The following COL3A1 variants were observed in gnomAD, a reference collection of about 807,000 sequenced individuals.
COL3A1 encodes collagen type III alpha 1 chain.
In COL3A1, 46 loss-of-function variants were observed where a neutral mutation model predicts 200.9. That is an observed-to-expected ratio of 0.23 (90% confidence interval 0.18 to 0.29). The LOEUF is 0.29. Ranked by LOEUF, COL3A1 falls within the 10% of genes least tolerant of loss-of-function variation. The pLI, the probability that COL3A1 is intolerant of heterozygous loss-of-function variation, is 1.00. For missense variants in COL3A1, 1,367 were observed against 1,917.6 expected (o/e 0.71, Z 5.36); for synonymous variants, 650 against 628.0 (o/e 1.03, Z -0.52).
In COL3A1 at chr2:189,012,484, T is replaced by C. The variant is rs1250320585; in HGVS notation, c.*710T>C. On this transcript the variant is annotated 3_prime_UTR_variant, in exon 51 of 51. Transcript: ENST00000304636. ...TGCTAATGTACTTTCACTTTTAAAC[T>C]CTAGATCAGAATTGTTGACTTGCAT... 1.3e-5 allele frequency: 2 copies of C among 152,620 alleles called. No individual in the cohort carries two copies. The highest frequency in any genetic ancestry group is 2.9e-5 in the Non-Finnish European group (2 of 68,044). 9.5% of individuals were successfully genotyped at this position (152,620 alleles called of 1,614,324 possible).
At chr2:188,995,999 GA>G in intron 22 of COL3A1, 125 bp from the exon 23 acceptor site, 5 of 1,018,118 alleles carry the variant, frequency 4.9e-6, no homozygotes, top group Non-Finnish European at 7.5e-6. Flanking sequence ...TTATAGACAG[GA>G]AAAAAGATGT....
At chr2:189,007,422 T>G in intron 44 of COL3A1, 78 bp from the exon 45 acceptor site, 1 of 1,143,046 alleles carries the variant, frequency 8.7e-7, no homozygotes, top group South Asian at 1.5e-5. Flanking sequence ...TAAAATAGAT[T>G]TAATTATTAT....
intron 5 of COL3A1, 130 bp from the exon 6 acceptor site, chr2:188,987,951 T>TTA: frequency 8.2e-6 from 6 of 728,536 alleles, no homozygotes; most frequent in Middle Eastern, 2.4e-4. Flanking sequence ...TGAATAGTTA[T>TTA]CAAAAAGTTA....
At chr2:189,003,155 C>A (rs1291793733) in intron 36 of COL3A1, 93 bp downstream of exon 36, 2 of 1,067,072 alleles carry the variant, frequency 1.9e-6, no homozygotes, top group East Asian at 5.2e-5. Context: ...CCCTCTCCCC[C>A]CTCTGTAAGT....
chr2:188,983,288 T>C (rs550207453), intron 1 of COL3A1, among the ~76,000 whole-genome samples: 1 of 152,014 alleles, frequency 6.6e-6, no homozygotes, highest in East Asian at 1.9e-4. Flanking sequence ...CATTGAGAAA[T>C]TGTAACATAA....
At chr2:188,985,878 A>G (rs997071304) in intron 4 of COL3A1, 100 bp downstream of exon 4, 2 of 802,752 alleles carry the variant, frequency 2.5e-6, no homozygotes, top group South Asian at 2.9e-5. Context: ...AGTTCTTTGT[A>G]TCTGTTCTCT....
chr2:188,985,091 A>G, intron 2 of COL3A1, 106 bp from the exon 3 acceptor site: 1 of 1,428,338 alleles, frequency 7.0e-7, no homozygotes, highest in Admixed American at 1.7e-5. Context: ...ATTACGAGTA[A>G]AAAGTGACCG....
Position 188,993,470 on chromosome 2 carries a change from T to C in COL3A1, c.1149+11T>C, listed in dbSNP as rs771300189. The C allele has an allele frequency of 5.8e-6, 9 of 1,541,372 alleles. No homozygotes were observed. Among genetic ancestry groups the C allele is most frequent in the East Asian group, 4.9e-5 (2 of 40,942 alleles). ...GCTCAAGGTCCTCCTGTAAGTATCA[T>C]AGTTGAGAGGGAGTAAGCATAGTTT... On this transcript the variant is annotated intron_variant, in intron 16 of 50. Coordinates refer to ENST00000304636, the MANE Select transcript of COL3A1 (RefSeq NM_000090.4).
At chr2:188,991,760 A>G (rs374393238) in intron 13 of COL3A1, 38 bp downstream of exon 13, 1 of 1,608,010 alleles carries the variant, frequency 6.2e-7, no homozygotes, top group Admixed American at 1.7e-5. Flanking sequence ...TTACAACCCA[A>G]AGTGACAGAT....
intron 10 of COL3A1, 87 bp downstream of exon 10, chr2:188,990,447 A>G (rs1053604763): frequency 3.0e-6 from 3 of 995,544 alleles, no homozygotes; most frequent in African/African-American, 1.6e-5. Context: ...ATTATGTGCC[A>G]AAAAATATGA....
intron 41 of COL3A1, 108 bp downstream of exon 41, chr2:189,005,565 A>G (rs1473740504): frequency 1.2e-6 from 1 of 849,088 alleles, no homozygotes; most frequent in African/African-American, 1.7e-5. Flanking sequence ...CCACATAGCA[A>G]AGTTCTTCTA....
intron 36 of COL3A1, 132 bp downstream of exon 36, chr2:189,003,194 G>A (rs946174789): frequency 1.2e-6 from 1 of 834,540 alleles, no homozygotes; most frequent in Non-Finnish European, 2.0e-6. Context: ...AAAACATGGA[G>A]GTTTATCAGT....
intron 16 of COL3A1, 50 bp from the exon 17 acceptor site, chr2:188,993,988 C>CG (rs1559055949): frequency 6.5e-7 from 1 of 1,544,278 alleles, no homozygotes; most frequent in East Asian, 2.2e-5. Context: ...CAAATATATA[C>CG]GAACTATTTG....
At position 188,994,498 on chromosome 2, in the gene COL3A1, C is replaced by G. The variant is rs376165017; in HGVS notation, c.1294-43C>G. On this transcript the variant is annotated intron_variant, in intron 18 of 50. Coordinates refer to ENST00000304636, the MANE Select transcript of COL3A1 (RefSeq NM_000090.4). The surrounding 1 kb of genome is among the most constrained non-coding windows in gnomAD (Gnocchi z 4.5). ...GTGTTACTGGTGATGATTTGTTAGTCGAATCCTCCCTGTGTTTCAACCAAG... is the reference window on the plus strand; with the variant it reads ...GTGTTACTGGTGATGATTTGTTAGTGGAATCCTCCCTGTGTTTCAACCAAG... 1 of 1,605,006 alleles carries G rather than the reference C, an allele frequency of 6.2e-7. No homozygotes were observed. The highest frequency in any genetic ancestry group is 2.2e-5 in the East Asian group (1 of 44,828).
Position 189,008,086 on chromosome 2 carries a change from C to A in COL3A1, c.3469C>A (p.Pro1157Thr). ...PPGKDGTSGH[P>T]GPIGPPGPRG... ...TGGCAAAGATGGAACCAGTGGACAT[C>A]CAGGTCCCATTGGACCACCAGGGCC... The change falls in exon 47 of 51, where the codon CCA becomes ACA. Residue 1157 changes from proline (P) to threonine (T), a missense_variant. Physicochemically the swap from Pro to Thr is conservative, Grantham distance 38. Around this residue, in one of 5 missense-constraint regions of COL3A1, gnomAD observed 846 missense variants for 1,147.9 expected, o/e 0.74. Coordinates refer to ENST00000304636, the MANE Select transcript of COL3A1 (RefSeq NM_000090.4). 1.9e-6 allele frequency: 3 copies of A among 1,613,984 alleles called. No individual in the cohort carries two copies. The highest frequency in any genetic ancestry group is 4.5e-5 in the East Asian group (2 of 44,876).
At chr2:189,007,635 C>T (rs1688624064) in intron 45 of COL3A1, 28 bp downstream of exon 45, 1 of 1,559,294 alleles carries the variant, frequency 6.4e-7, no homozygotes, top group African/African-American at 1.4e-5. Context: ...GTTGGAAAAT[C>T]CCTTCAATGT....
At position 188,996,139 on chromosome 2, in the gene COL3A1, T is replaced by C; in HGVS notation, c.1623T>C (p.Ser541=). 1 of 1,613,724 alleles carries C rather than the reference T, an allele frequency of 6.2e-7. No individual in the cohort carries two copies. Among genetic ancestry groups the C allele is most frequent in the Non-Finnish European group, 8.5e-7 (1 of 1,179,884 alleles). The part of the protein sequence containing the change: ...GGPGMRGMPG[S]PGGPGSDGKP... ...CTTTACTTCAGGGCATGCCCGGAAGTCCAGGAGGACCAGGAAGTGATGGGA... is the reference window on the plus strand; with the variant it reads ...CTTTACTTCAGGGCATGCCCGGAAGCCCAGGAGGACCAGGAAGTGATGGGA... Residue 541 remains serine, a synonymous_variant, in exon 23 of 51, where the codon AGT becomes AGC. Coordinates refer to ENST00000304636, the MANE Select transcript of COL3A1 (RefSeq NM_000090.4).
At chr2:188,997,030 ATATATATATGAGAC>A in intron 24 of COL3A1, 121 bp from the exon 25 acceptor site, 1 of 270,846 alleles carries the variant, frequency 3.7e-6, no homozygotes. Context: ...TATATGAGAC[ATATATATATGAGAC>A]ATATATATAT....
At chr2:189,006,130 CT>C in intron 41 of COL3A1, 75 bp from the exon 42 acceptor site, 1 of 1,466,958 alleles carries the variant, frequency 6.8e-7, no homozygotes, top group South Asian at 1.2e-5. Flanking sequence ...TTATATTGCC[CT>C]GCTGAGAATG....
Sources: gnomAD v4.1 joint callset for allele counts (sites outside exome capture counted in the v4.1 genomes callset) on GRCh38, gnomAD v4.1.1 for gene constraint, gnomAD v4.1.1 regional missense constraint, Gnocchi (gnomAD v3.1) non-coding constraint, MANE v1.5 for transcripts, NCBI Gene and HGNC (gene_info 2026-07-23, HGNC 2026-07-21) for gene names.